ASMTL: variants seen among roughly 807,000 people sequenced by gnomAD.
ASMTL encodes probable bifunctional dTTP/UTP pyrophosphatase/methyltransferase protein.
A neutral mutation model predicts 60.3 loss-of-function variants in ASMTL; 57 were observed. That is an observed-to-expected ratio of 0.95 (90% CI 0.76 to 1.18). The LOEUF is 1.18. Ranked by LOEUF, ASMTL falls within the 50% of genes most tolerant of loss-of-function variation. The pLI, the probability that ASMTL is intolerant of heterozygous loss-of-function variation, is 0.00. For synonymous variants in ASMTL, 419 were observed against 373.0 expected, an observed-to-expected ratio of 1.12 and a Z score of -1.42; for missense variants, 981 against 852.6, an observed-to-expected ratio of 1.15 and a Z score of -1.88.
At chrX:1,431,059 ATAT>A (rs1375193274) in intron 6 of ASMTL, among the ~76,000 whole-genome samples, 11 of 125,296 alleles carry the variant, frequency 8.8e-5, no homozygotes, top group African/African-American at 3.0e-4. Context: ...TACATATTAC[ATAT>A]TATCCATATA....
intron 1 of ASMTL, among the ~76,000 whole-genome samples, chrX:1,449,938 C>A (rs1217224859): frequency 7.3e-6 from 1 of 136,722 alleles, no homozygotes; most frequent in Non-Finnish European, 1.6e-5. Flanking sequence ...CTAACCCCCA[C>A]CACCAGTAAA....
intron 11 of ASMTL, 148 bp from the exon 12 acceptor site, chrX:1,413,002 C>T: frequency 2.4e-6 from 2 of 842,224 alleles, no homozygotes; most frequent in Non-Finnish European, 3.9e-6. Flanking sequence ...AAGTACATCC[C>T]CGTGGGGACT....
rs139645860 is a variant in ASMTL, at chrX:1,427,228, G to A, written c.897+506C>T. On this transcript the variant is annotated intron_variant, in intron 7 of 12. Coordinates refer to ENST00000381317, the MANE Select transcript of ASMTL (RefSeq NM_004192.4). ...GATGCCTGGAGCCCCCAGGAGCTGG[G>A]AGAGGCAGGAAGGACCCTCCCCTGG... 2.2e-3 allele frequency among the ~76,000 whole-genome samples: 338 copies of A among 151,674 alleles called. 1 individual carries two copies. Among genetic ancestry groups the A allele is most frequent in the African/African-American group, 7.6e-3 (315 of 41,306 alleles).
chrX:1,429,058 G>A (rs1165022432), intron 6 of ASMTL, among the ~76,000 whole-genome samples: 9 of 151,218 alleles, frequency 6.0e-5, no homozygotes, highest in African/African-American at 2.2e-4. Context: ...CAACACACCC[G>A]GCTAATTTTT....
intron 12 of ASMTL, among the ~76,000 whole-genome samples, chrX:1,407,668 G>A (rs186217039): frequency 5.2e-4 from 79 of 152,166 alleles, no homozygotes; most frequent in African/African-American, 1.7e-3. Flanking sequence ...AGGATGGTTT[G>A]AGCCCAGGAG....
Position 1,428,029 on chromosome X carries a change from A to G in ASMTL, c.602T>C (p.Leu201Pro). 1 of 1,613,706 alleles carries G rather than the reference A, an allele frequency of 6.2e-7. No homozygotes were observed. The highest frequency in any genetic ancestry group is 8.5e-7 in the Non-Finnish European group (1 of 1,179,864). Residue 201 changes from leucine to proline, a missense_variant, in exon 7 of 13, where the codon CTG becomes CCG. Transcript: ENST00000381317. ...CACCAGCTGCTTGCAGAAGTGGTTC[A>G]GCGGGAATCCCACCACGTTCAGAAA... ...GDFLNVVGFP[L>P]NHFCKQLVKL...
intron 2 of ASMTL, among the ~76,000 whole-genome samples, chrX:1,440,231 C>T (rs1363409631): frequency 1.3e-5 from 2 of 151,958 alleles, no homozygotes; most frequent in Admixed American, 6.6e-5. Flanking sequence ...GGACTACAGG[C>T]GCCCGCCACC....
intron 9 of ASMTL, 71 bp from the exon 10 acceptor site, chrX:1,419,185 G>A (rs1276178821): frequency 1.0e-5 from 16 of 1,569,054 alleles, no homozygotes; most frequent in African/African-American, 6.7e-5. Flanking sequence ...CTCCCTGGGG[G>A]TCGGGGGGAG....
At chrX:1,423,789 C>T (rs2090539164) in intron 8 of ASMTL, among the ~76,000 whole-genome samples, 1 of 147,474 alleles carries the variant, frequency 6.8e-6, no homozygotes, top group Non-Finnish European at 1.5e-5. Flanking sequence ...TCCATCTATT[C>T]ACCCACCCTC....
At chrX:1,423,555 C>T (rs62605753) in intron 8 of ASMTL, among the ~76,000 whole-genome samples, 114,320 of 151,006 alleles carry the variant, frequency 0.76, 44,749 homozygotes, top group South Asian at 0.9. Flanking sequence ...CATCCACCCA[C>T]TCACCCACCC....
At chrX:1,441,895 A>C (rs1413192299) in intron 2 of ASMTL, 1 of 386,898 alleles carries the variant, frequency 2.6e-6, no homozygotes, top group Non-Finnish European at 4.6e-6. Context: ...TTATTATAAC[A>C]CATAGTAACA....
Position 1,439,125 on chromosome X carries a change from T to C in ASMTL, c.245A>G (p.Asp82Gly). 2 of 1,614,018 alleles carry C rather than the reference T, an allele frequency of 1.2e-6. No individual in the cohort carries two copies. The highest frequency in any genetic ancestry group is 1.7e-6 in the Non-Finnish European group (2 of 1,179,870). The change falls in exon 3 of 13, where the codon GAC (aspartate) becomes GGC (glycine). Residue 82 changes from aspartate to glycine, a missense_variant. Physicochemically the swap from Asp to Gly is moderately conservative, Grantham distance 94 (BLOSUM62 -1). Coordinates refer to ENST00000381317, the MANE Select transcript of ASMTL (RefSeq NM_004192.4). ...RLYQKDLRAP[D>G]VVIGADTIVT... ...GATCGTGTCCGCTCCAATGACCACG[T>C]CGGGGGCCCGCAGGTCTTTCTGTAA...
intron 12 of ASMTL, among the ~76,000 whole-genome samples, chrX:1,407,050 A>G (rs1432479395): frequency 2.0e-5 from 3 of 150,620 alleles, no homozygotes; most frequent in Non-Finnish European, 3.0e-5. Context: ...AGGTAGATGG[A>G]TGGATGGATG....
chrX:1,408,068 A>G (rs1380213989), intron 12 of ASMTL, among the ~76,000 whole-genome samples: 4 of 150,872 alleles, frequency 2.7e-5, no homozygotes, highest in Non-Finnish European at 5.9e-5. Context: ...GGGCATGATA[A>G]CAAATGCTGG....
intron 8 of ASMTL, among the ~76,000 whole-genome samples, 199 bp from the exon 9 acceptor site, chrX:1,422,041 T>C (rs372789865): frequency 6.6e-6 from 1 of 152,122 alleles, no homozygotes; most frequent in African/African-American, 2.4e-5. Context: ...TATAGCAAAC[T>C]GTACACTCAG....
At chrX:1,424,916 A>C (rs1358154017) in intron 8 of ASMTL, among the ~76,000 whole-genome samples, 1 of 119,272 alleles carries the variant, frequency 8.4e-6, no homozygotes, top group African/African-American at 3.0e-5. Context: ...CTTCCCATCC[A>C]TGTATCTATC....
In ASMTL at chrX:1,433,448, A is replaced by C. The variant is rs373760144; in HGVS notation, c.401-1071T>G. Among the ~76,000 whole-genome samples, 52 of 148,968 alleles carry C rather than the reference A, an allele frequency of 3.5e-4. No individual in the cohort carries two copies. In the East Asian group the frequency reaches 0.01, roughly 29 times the overall value. On this transcript the variant is annotated intron_variant, in intron 5 of 12. Coordinates refer to ENST00000381317, the MANE Select transcript of ASMTL (RefSeq NM_004192.4). ...TGGGAGGCCGAGGCGGGCGGATCAC[A>C]AGGTCAGGAGATCGAGACCCTCCTG...
intron 12 of ASMTL, among the ~76,000 whole-genome samples, chrX:1,411,077 G>C (rs774610077): frequency 2.6e-5 from 4 of 152,010 alleles, no homozygotes; most frequent in African/African-American, 4.8e-5. Context: ...CCAGCTACTC[G>C]GGAGGCTGAG....
rs2090661189 is a variant in ASMTL at position 1,428,006 on chromosome X, C to T, written c.625G>A (p.Val209Met). The change falls in exon 7 of 13, where the codon GTG (valine) becomes ATG (methionine). Residue 209 changes from valine to methionine, a missense_variant. Transcript: ENST00000381317. ...GGACGGGGCGGGTAGTAGAGCTTCA[C>T]CAGCTGCTTGCAGAAGTGGTTCAGC... ...FPLNHFCKQL[V>M]KLYYPPRPED... 5 of 1,613,616 alleles carry T rather than the reference C, an allele frequency of 3.1e-6. No individual in the cohort carries two copies. Among genetic ancestry groups the T allele is most frequent in the Non-Finnish European group, 4.2e-6 (5 of 1,179,824 alleles).
Sources: allele counts gnomAD v4.1 joint callset (sites outside exome capture counted in the v4.1 genomes callset), GRCh38; gene constraint gnomAD v4.1.1; transcripts MANE v1.5; gene names NCBI Gene and HGNC (gene_info 2026-07-23, HGNC 2026-07-21).